Variants in ZNF44 observed in about 807,000 individuals in gnomAD.
The protein encoded by ZNF44 is zinc finger protein 44.
ZNF44 carries 9 observed loss-of-function variants against 11.7 expected under a neutral mutation model. The observed-to-expected ratio is 0.77, with a 90% confidence interval of 0.46 to 1.35. The LOEUF is 1.35. Ranked by LOEUF, ZNF44 falls within the 40% of genes most tolerant of loss-of-function variation. ZNF44 has a pLI of 0.00. For missense variants in ZNF44, 696 were observed against 743.1 expected, an observed-to-expected ratio of 0.94 and a Z score of 0.74; for synonymous variants, 224 against 242.7, an observed-to-expected ratio of 0.92 and a Z score of 0.72.
chr19:12,241,237 A>G (rs1482432010), upstream of ZNF44, among the ~76,000 whole-genome samples: 8 of 152,230 alleles, frequency 5.3e-5, no homozygotes, highest in African/African-American at 1.9e-4. Context: ...TTTAAAACAA[A>G]AAGTAGAATA....
intron 1 of ZNF44, chr19:12,291,359 G>C (rs2145772743): frequency 2.5e-6 from 1 of 401,130 alleles, no homozygotes; most frequent in South Asian, 1.9e-5. Flanking sequence ...AAATGGAAGA[G>C]TTTTCCCAAA....
chr19:12,236,645 G>A (rs575647873), intron 1 of ZNF44, among the ~76,000 whole-genome samples: 2 of 152,278 alleles, frequency 1.3e-5, no homozygotes, highest in African/African-American at 2.4e-5. Context: ...CAGATGAAGC[G>A]AAGGTAGGAC....
chr19:12,280,200 C>G (rs989610512), intron 1 of ZNF44, among the ~76,000 whole-genome samples: 4 of 152,026 alleles, frequency 2.6e-5, no homozygotes, highest in African/African-American at 7.2e-5. Context: ...GCCTGGGAAA[C>G]AGAGTGAGAT....
chr19:12,290,033 C>G lies in ZNF44; in HGVS notation c.3+4659G>C, dbSNP rs183891683. 5.3e-4 allele frequency among the ~76,000 whole-genome samples: 80 copies of G among 152,296 alleles called. 1 individual carries two copies. Among genetic ancestry groups the G allele is most frequent in the Middle Eastern group, 3.4e-3 (1 of 294 alleles). The stretch of plus-strand genomic sequence containing the variant: ...ACACAACCTCAGACATGGCATCACC[C>G]CATCTGCCTCTGCCTGTGGATCCCC... On this transcript the variant is annotated intron_variant, in intron 1 of 3. Transcript: ENST00000355684.
chr19:12,268,921 A>G (rs1233743976), downstream of ZNF44, among the ~76,000 whole-genome samples: 1 of 152,084 alleles, frequency 6.6e-6, no homozygotes, highest in Admixed American at 6.6e-5. Flanking sequence ...TTTTAAAATT[A>G]TCTGTAGACA....
chr19:12,243,325 GA>G (rs1916681828), downstream of ZNF44, among the ~76,000 whole-genome samples: 1 of 152,114 alleles, frequency 6.6e-6, no homozygotes, highest in South Asian at 2.1e-4. Flanking sequence ...TTTAACCTTT[GA>G]CCAACATTTC....
chr19:12,226,814 C>T (rs1052597019), intron 3 of ZNF44, among the ~76,000 whole-genome samples: 1 of 152,118 alleles, frequency 6.6e-6, no homozygotes, highest in Non-Finnish European at 1.5e-5. Flanking sequence ...CATCTGTAAT[C>T]CCAGCACTTT....
intron 3 of ZNF44, among the ~76,000 whole-genome samples, chr19:12,227,326 C>T (rs1427762819): frequency 2.6e-5 from 4 of 151,908 alleles, no homozygotes; most frequent in East Asian, 1.9e-4. Context: ...ATAGGCCGGG[C>T]GTGGTGGCTG....
intron 1 of ZNF44, among the ~76,000 whole-genome samples, chr19:12,291,446 C>G (rs1031797688): frequency 6.6e-6 from 1 of 152,156 alleles, no homozygotes; most frequent in Non-Finnish European, 1.5e-5. Context: ...CCTGAGAAAC[C>G]TATTACATGG....
rs1390050567 is a variant in ZNF44, at chr19:12,272,835, C to CCT, written c.1418_1419dup (p.Glu474ArgfsTer47). 6.2e-7 allele frequency: 1 copy of CCT among 1,613,852 alleles called. No individual in the cohort carries two copies. Among genetic ancestry groups the CCT allele is most frequent in the Non-Finnish European group, 8.5e-7 (1 of 1,179,888 alleles). On this transcript the variant is annotated frameshift_variant, in exon 4 of 4. Coordinates refer to ENST00000355684, the MANE Select transcript of ZNF44 (RefSeq NM_016264.4). LOFTEE classifies it low-confidence loss of function (END_TRUNC). ...CCACACTCCTTACATTCATAAGGCTCCTCTTCACTGTGTGTTGTTTCATGA... is the reference window on the plus strand; with the variant it reads ...CCACACTCCTTACATTCATAAGGCTCCTCTCTTCACTGTGTGTTGTTTCATGA...
At chr19:12,262,195 G>A (rs190220732) in intron 5 of ZNF44, among the ~76,000 whole-genome samples, 230 of 152,246 alleles carry the variant, frequency 1.5e-3, no homozygotes, top group Non-Finnish European at 1.1e-3. Flanking sequence ...GTTTTGAGTA[G>A]TTTCCATCGT....
downstream of ZNF44, among the ~76,000 whole-genome samples, chr19:12,243,847 T>C (rs1916695583): frequency 6.6e-6 from 1 of 152,196 alleles, no homozygotes; most frequent in Admixed American, 6.5e-5. Flanking sequence ...ATAGTACCCA[T>C]CCTTGCATGT....
At chr19:12,267,465 A>C (rs1450584386), downstream of ZNF44, among the ~76,000 whole-genome samples, 1 of 152,208 alleles carries the variant, frequency 6.6e-6, no homozygotes, top group Non-Finnish European at 1.5e-5. Flanking sequence ...AAACGGAAGA[A>C]AAGGAAACAT....
chr19:12,261,455 C>T (rs1270637389), intron 5 of ZNF44, among the ~76,000 whole-genome samples: 2 of 152,154 alleles, frequency 1.3e-5, no homozygotes, highest in Non-Finnish European at 2.9e-5. Flanking sequence ...GCAACATAGC[C>T]AGACCCCATC....
At position 12,272,619 on chromosome 19, in the gene ZNF44, A is replaced by G; in HGVS notation, c.1636T>C (p.Phe546Leu). 1.2e-6 allele frequency: 2 copies of G among 1,612,000 alleles called. No individual in the cohort carries two copies. Among genetic ancestry groups the G allele is most frequent in the Non-Finnish European group, 1.7e-6 (2 of 1,179,138 alleles). Residue 546 changes from phenylalanine to leucine, a missense_variant, in exon 4 of 4, where the codon TTC (phenylalanine) becomes CTC (leucine). Physicochemically the swap from Phe to Leu is conservative, Grantham distance 22 (BLOSUM62 0). Coordinates refer to ENST00000355684, the MANE Select transcript of ZNF44 (RefSeq NM_016264.4). Reference sequence around the variant, plus strand: ...TGAGTCCTTTCATGTCTTAGAAGGAAAGAGGGCCAAAAGAATGCTTTCCTG... The same window carrying G: ...TGAGTCCTTTCATGTCTTAGAAGGAGAGAGGGCCAAAAGAATGCTTTCCTG... ...QCRKAFFWPS[F>L]LLRHERTHTG...
At chr19:12,291,948 T>C (rs1456536973) in intron 1 of ZNF44, among the ~76,000 whole-genome samples, 1 of 146,766 alleles carries the variant, frequency 6.8e-6, no homozygotes, top group East Asian at 2.0e-4. Flanking sequence ...ACCAAGATAG[T>C]ACCATTGCAC....
At chr19:12,264,377 T>C (rs1192116363) in intron 5 of ZNF44, among the ~76,000 whole-genome samples, 1 of 152,150 alleles carries the variant, frequency 6.6e-6, no homozygotes, top group Admixed American at 6.5e-5. Flanking sequence ...GAGTCAAAGG[T>C]GGCCTTACCT....
intron 1 of ZNF44, chr19:12,284,711 T>C (rs537064672): frequency 7.3e-5 from 54 of 735,000 alleles, no homozygotes; most frequent in South Asian, 1.8e-4. Flanking sequence ...ACAATGGCCA[T>C]GTCCGTCTGG....
downstream of ZNF44, among the ~76,000 whole-genome samples, chr19:12,269,844 T>TA (rs1228767507): frequency 2.6e-5 from 4 of 152,218 alleles, no homozygotes; most frequent in Non-Finnish European, 4.4e-5. Flanking sequence ...ATGGAGGTGA[T>TA]ACTTAGGTCA....
Sources: allele counts gnomAD v4.1 joint callset (sites outside exome capture counted in the v4.1 genomes callset), GRCh38; gene constraint gnomAD v4.1.1; transcripts MANE v1.5; gene names NCBI Gene and HGNC (gene_info 2026-07-23, HGNC 2026-07-21).